Variants in SYBU observed in about 807,000 individuals in gnomAD.
SYBU encodes GOLSYN A protein.
SYBU carries 21 observed loss-of-function variants against 35.9 expected under a neutral mutation model. The observed-to-expected ratio is 0.58, with a 90% confidence interval of 0.41 to 0.84. The LOEUF (loss-of-function observed/expected upper bound fraction) is 0.84. Ranked by LOEUF, SYBU falls within the 40% of genes least tolerant of loss-of-function variation. The pLI, the probability that SYBU is intolerant of heterozygous loss-of-function variation, is 0.00. For synonymous variants in SYBU, 319 were observed against 324.3 expected (o/e 0.98, Z 0.18); for missense variants, 768 against 848.2 (o/e 0.91, Z 1.17).
Position 109,644,671 on chromosome 8 carries a change from C to CCGCCGGCTCCTCGCGCCGCCGCT in SYBU, c.-35_-13dup. The CCGCCGGCTCCTCGCGCCGCCGCT allele has an allele frequency of 6.6e-7, 1 of 1,516,480 alleles. No individual in the cohort carries two copies. The highest frequency in any genetic ancestry group is 8.8e-7 in the Non-Finnish European group (1 of 1,139,514). The allele number at this position is 1,516,480 out of a possible 1,614,324, so 93.9% of individuals were successfully genotyped here. The stretch of plus-strand genomic sequence containing the variant: ...CGGAGGGGCCCCATCGCGCCGCTGC[C>CCGCCGGCTCCTCGCGCCGCCGCT]CGCCGGCTCCTCGCGCCGCCGCTGC... On this transcript the variant is annotated 5_prime_UTR_variant, in exon 1 of 7. Coordinates refer to ENST00000276646, the MANE Select transcript of SYBU (RefSeq NM_001099754.2).
intron 2 of SYBU, among the ~76,000 whole-genome samples, chr8:109,641,327 T>C (rs1170939205): frequency 1.3e-5 from 2 of 152,254 alleles, no homozygotes; most frequent in African/African-American, 4.8e-5. Context: ...CCATAGTTCC[T>C]TGTATTAAGA....
intron 5 of SYBU, among the ~76,000 whole-genome samples, chr8:109,579,144 G>T (rs1822711579): frequency 6.6e-6 from 1 of 152,152 alleles, no homozygotes; most frequent in Non-Finnish European, 1.5e-5. Context: ...CCACTATGCT[G>T]CCAGCTCCCT....
rs1011121678 is a variant in SYBU, at chr8:109,644,727, G to C, written c.-68C>G. The C allele has an allele frequency of 7.9e-5, 111 of 1,407,290 alleles. No homozygotes were observed. The highest frequency in any genetic ancestry group is 8.8e-5 in the Non-Finnish European group (95 of 1,084,806). The allele number at this position is 1,407,290 out of a possible 1,614,324, so 87.2% of individuals were successfully genotyped here. Reference sequence around the variant, plus strand: ...TCCAGGAGGAGGCACCTGCGAGCACGGAGCGAGGAGACTGCGCTGAGCCGG... The same window carrying C: ...TCCAGGAGGAGGCACCTGCGAGCACCGAGCGAGGAGACTGCGCTGAGCCGG... On this transcript the variant is annotated 5_prime_UTR_variant, in exon 1 of 7. Transcript: ENST00000276646.
intron 1 of SYBU, among the ~76,000 whole-genome samples, chr8:109,668,973 G>A: frequency 6.6e-6 from 1 of 152,086 alleles, no homozygotes; most frequent in East Asian, 1.9e-4. Context: ...CTATGAAAGG[G>A]GAGACATTGA....
intron 2 of SYBU, among the ~76,000 whole-genome samples, chr8:109,624,475 C>T (rs932076847): frequency 6.6e-6 from 1 of 152,098 alleles, no homozygotes; most frequent in Non-Finnish European, 1.5e-5. Context: ...ATTTTGCAAC[C>T]TCGAATGAAA....
chr8:109,574,919 C>A lies in SYBU; in HGVS notation c.1979G>T (p.Arg660Leu). ...ALHSLRRTAF[R>L]IKT is the part of the protein sequence containing the mutation. ...AACAACTTCTATTTAGGTTTTGATA[C>A]GGAAGGCGGTGCGGCGGAGCGAATG... The change falls in exon 7 of 7, where the codon CGT becomes CTT. Residue 660 changes from arginine (R) to leucine (L), a missense_variant. By Grantham distance (102) the Arg-to-Leu change is moderately radical. Coordinates refer to ENST00000276646, the MANE Select transcript of SYBU (RefSeq NM_001099754.2). 1 of 1,513,970 alleles carries A rather than the reference C, an allele frequency of 6.6e-7. No homozygotes were observed. The highest frequency in any genetic ancestry group is 2.3e-5 in the East Asian group (1 of 43,932). 93.8% of individuals were successfully genotyped at this position (1,513,970 alleles called of 1,614,324 possible).
At chr8:109,670,085 A>C (rs1816922108) in intron 1 of SYBU, among the ~76,000 whole-genome samples, 1 of 152,082 alleles carries the variant, frequency 6.6e-6, no homozygotes, top group South Asian at 2.1e-4. Flanking sequence ...AGTAATGGTA[A>C]CAGAATTATG....
At chr8:109,690,656 T>C (rs1277930419) in intron 1 of SYBU, among the ~76,000 whole-genome samples, 1 of 152,200 alleles carries the variant, frequency 6.6e-6, no homozygotes, top group Non-Finnish European at 1.5e-5. Flanking sequence ...TCAGAATCTC[T>C]TTCCACATAC....
chr8:109,670,594 A>C (rs1226370596), intron 1 of SYBU, among the ~76,000 whole-genome samples: 3 of 152,130 alleles, frequency 2.0e-5, no homozygotes, highest in Non-Finnish European at 4.4e-5. Context: ...ATTGTGTAAT[A>C]ATTTATGTTT....
Position 109,575,201 on chromosome 8 carries a change from G to A in SYBU, c.1697C>T (p.Ala566Val). ...PVETPYANVD[A>V]EVHANRLMRE... is the part of the protein sequence containing the mutation. Reference sequence around the variant, plus strand: ...CATGAGGCGGTTTGCATGAACTTCTGCATCCACATTGGCGTAGGGGGTCTC... The same window carrying A: ...CATGAGGCGGTTTGCATGAACTTCTACATCCACATTGGCGTAGGGGGTCTC... The change falls in exon 7 of 7, where the codon GCA becomes GTA. Residue 566 changes from alanine (A) to valine (V), a missense_variant. Transcript: ENST00000276646. 2.5e-6 allele frequency: 4 copies of A among 1,614,212 alleles called. No homozygotes were observed. The highest frequency in any genetic ancestry group is 2.5e-6 in the Non-Finnish European group (3 of 1,180,032).
At chr8:109,674,483 G>T (rs972572117) in intron 1 of SYBU, among the ~76,000 whole-genome samples, 1 of 152,116 alleles carries the variant, frequency 6.6e-6, no homozygotes, top group African/African-American at 2.4e-5. Flanking sequence ...ACAAGCAAAT[G>T]CTGAGATTTT....
intron 3 of SYBU, among the ~76,000 whole-genome samples, chr8:109,588,466 C>A (rs547903206): frequency 6.6e-6 from 1 of 152,134 alleles, no homozygotes; most frequent in Admixed American, 6.5e-5. Flanking sequence ...AAGGCACATT[C>A]GGGTCCCTGC....
intron 2 of SYBU, among the ~76,000 whole-genome samples, chr8:109,637,894 T>A (rs1405542457): frequency 6.6e-6 from 1 of 152,170 alleles, no homozygotes. Flanking sequence ...AAAGAAAGAT[T>A]TCTTCCCAGC....
intron 3 of SYBU, 193 bp from the exon 4 acceptor site, chr8:109,586,355 CA>C (rs1363646650): frequency 1.8e-6 from 1 of 570,898 alleles, no homozygotes; most frequent in Non-Finnish European, 3.1e-6. Flanking sequence ...AACATCATTT[CA>C]TAAACACAGC....
At chr8:109,610,168 G>A (rs1049415311) in intron 3 of SYBU, among the ~76,000 whole-genome samples, 1 of 151,970 alleles carries the variant, frequency 6.6e-6, no homozygotes, top group African/African-American at 2.4e-5. Flanking sequence ...ACACTCCCCT[G>A]ACTATCCCCC....
chr8:109,689,896 G>A (rs1464409435), intron 1 of SYBU, among the ~76,000 whole-genome samples: 5 of 148,234 alleles, frequency 3.4e-5, no homozygotes, highest in East Asian at 2.0e-4. Flanking sequence ...TGTGCCACTG[G>A]CTAAATTACT....
intron 1 of SYBU, among the ~76,000 whole-genome samples, chr8:109,664,736 G>A (rs1452757981): frequency 1.3e-5 from 2 of 152,156 alleles, no homozygotes; most frequent in African/African-American, 4.8e-5. Context: ...CCCAAACAGG[G>A]AACACTGTGA....
At chr8:109,602,028 A>G (rs1340925566) in intron 3 of SYBU, among the ~76,000 whole-genome samples, 1 of 152,160 alleles carries the variant, frequency 6.6e-6, no homozygotes, top group African/African-American at 2.4e-5. Context: ...TGACTGTTAC[A>G]GTTTGGAGAT....
intron 1 of SYBU, among the ~76,000 whole-genome samples, chr8:109,667,655 CAG>C (rs922151925): frequency 9.2e-5 from 14 of 152,158 alleles, no homozygotes; most frequent in Non-Finnish European, 1.5e-5. Context: ...TTGTTTGAGA[CAG>C]AGTCTTGCTC....
Sources: allele counts gnomAD v4.1 joint callset (sites outside exome capture counted in the v4.1 genomes callset), GRCh38; gene constraint gnomAD v4.1.1; transcripts MANE v1.5; gene names NCBI Gene and HGNC (gene_info 2026-07-23, HGNC 2026-07-21).